The following TECPR1 variants were observed in gnomAD, a reference collection of about 807,000 sequenced individuals.
TECPR1 encodes the protein tectonin beta-propeller repeat containing 1.
TECPR1 carries 122 observed loss-of-function variants against 162.4 expected under a neutral mutation model. The observed-to-expected ratio is 0.75, with a 90% confidence interval of 0.65 to 0.87. TECPR1 has a LOEUF of 0.87. TECPR1 is among the 40% of genes least tolerant of loss of function. TECPR1 has a pLI of 0.00. For synonymous variants in TECPR1, 642 were observed against 670.6 expected (o/e 0.96, Z 0.66); for missense variants, 1,432 against 1,618.2 (o/e 0.88, Z 1.97).
chr7:98,235,868 T>G (rs1798589479), intron 10 of TECPR1, among the ~76,000 whole-genome samples: 1 of 104,862 alleles, frequency 9.5e-6, no homozygotes, highest in African/African-American at 3.1e-5. Context: ...CTGAGCAGAC[T>G]AAACCCTCAG....
chr7:98,242,816 C>T (rs1798791578), intron 6 of TECPR1, among the ~76,000 whole-genome samples: 1 of 149,632 alleles, frequency 6.7e-6, no homozygotes, highest in Non-Finnish European at 1.5e-5. Flanking sequence ...TCCATCCGCA[C>T]ACCCACCCAT....
intron 23 of TECPR1, among the ~76,000 whole-genome samples, chr7:98,218,388 A>G (rs1798069809): frequency 6.6e-6 from 1 of 152,214 alleles, no homozygotes; most frequent in African/African-American, 2.4e-5. Flanking sequence ...AGGCAAGAGA[A>G]AGAAAGAAAG....
At chr7:98,227,821 CAAAAAAAAAAAA>C (rs61468739) in intron 17 of TECPR1, among the ~76,000 whole-genome samples, 181 bp downstream of exon 17, 2 of 102,604 alleles carry the variant, frequency 1.9e-5, no homozygotes, top group African/African-American at 7.7e-5. Flanking sequence ...GACCCTGTAT[CAAAAAAAAAAAA>C]AAAAAAAAAA....
Position 98,223,147 on chromosome 7 carries a change from C to G in TECPR1, c.2771G>C (p.Gly924Ala), listed in dbSNP as rs779867640. The part of the protein sequence containing the change: ...WARKCKLVTS[G>A]PWLEVPPIAL... Reference sequence around the variant, plus strand: ...GATGGGGGGCACCTCCAGCCAGGGCCCACTGGTCACCAGCTTGCATTTTCT... The same window carrying G: ...GATGGGGGGCACCTCCAGCCAGGGCGCACTGGTCACCAGCTTGCATTTTCT... Residue 924 changes from glycine (G) to alanine (A), a missense_variant, in exon 21 of 26, where the codon GGG becomes GCG. Transcript: ENST00000447648. 1.2e-6 allele frequency: 2 copies of G among 1,602,924 alleles called. No homozygotes were observed. Among genetic ancestry groups the G allele is most frequent in the South Asian group, 2.2e-5 (2 of 89,162 alleles).
intron 23 of TECPR1, among the ~76,000 whole-genome samples, chr7:98,219,502 T>A (rs957067075): frequency 2.0e-5 from 3 of 152,194 alleles, no homozygotes; most frequent in African/African-American, 7.2e-5. Context: ...AAAGGACTCA[T>A]AACCAGAATC....
At chr7:98,250,417 G>A (rs1365147967) in intron 2 of TECPR1, among the ~76,000 whole-genome samples, 2 of 151,838 alleles carry the variant, frequency 1.3e-5, no homozygotes, top group Non-Finnish European at 2.9e-5. Flanking sequence ...CGCTTGAGCC[G>A]AGGAGTTCAA....
In TECPR1 at chr7:98,231,934, A is replaced by C; in HGVS notation, c.1844T>G (p.Leu615Arg). Reference sequence around the variant, plus strand: ...GGGCTTCCAGTCGCACCACCACTGCAGCGCCCCGGTCTTCACCCACACCGA... The same window carrying C: ...GGGCTTCCAGTCGCACCACCACTGCCGCGCCCCGGTCTTCACCCACACCGA... ...EQSVWVKTGA[L>R]QWWCDWKPHK... Residue 615 changes from leucine to arginine, a missense_variant, in exon 13 of 26, where the codon CTG becomes CGG. Leu to Arg is a moderately radical substitution (Grantham distance 102). Coordinates refer to ENST00000447648, the MANE Select transcript of TECPR1 (RefSeq NM_015395.3). The C allele has an allele frequency of 6.2e-7, 1 of 1,607,282 alleles. No homozygotes were observed. The highest frequency in any genetic ancestry group is 8.5e-7 in the Non-Finnish European group (1 of 1,179,658).
At position 98,241,959 on chromosome 7, in the gene TECPR1, G is replaced by A. The variant is rs1050078398; in HGVS notation, c.658-715C>T. 4.6e-5 allele frequency among the ~76,000 whole-genome samples: 7 copies of A among 152,184 alleles called. No individual in the cohort carries two copies. The highest frequency in any genetic ancestry group is 2.1e-4 in the South Asian group (1 of 4,836). On this transcript the variant is annotated intron_variant, in intron 6 of 25. Transcript: ENST00000447648. The surrounding 1 kb of genome is among the most constrained non-coding windows in gnomAD (Gnocchi z 5.0). Reference sequence around the variant, plus strand: ...TGTGGTGCAGGCAGCACCAGCTCACGGCCGACATTCCAGGACACAAACGCT... The same window carrying A: ...TGTGGTGCAGGCAGCACCAGCTCACAGCCGACATTCCAGGACACAAACGCT...
In TECPR1 at chr7:98,232,824, C is replaced by G. The variant is rs1798480207; in HGVS notation, c.1818+3G>C. ...ATGCATGCGCAGCCACCGGGGCACC[C>G]ACCTGCTCCACGGCCTGCTCGTAGT... On this transcript the variant is annotated splice_donor_region_variant and intron_variant, in intron 12 of 25. Transcript: ENST00000447648. This position sits in a 1 kb window ranked among gnomAD's most constrained non-coding sequence, Gnocchi z 4.6. The G allele has an allele frequency of 6.3e-7, 1 of 1,583,454 alleles. No individual in the cohort carries two copies. Among genetic ancestry groups the G allele is most frequent in the Non-Finnish European group, 8.6e-7 (1 of 1,167,010 alleles).
intron 10 of TECPR1, among the ~76,000 whole-genome samples, chr7:98,235,012 C>G (rs996344968): frequency 6.6e-6 from 1 of 152,198 alleles, no homozygotes. Context: ...CCGCACCCAG[C>G]CTTGCCTTTC....
rs535962312 is a variant in TECPR1, at chr7:98,244,951, C to T, written c.342G>A (p.Pro114=). 81 of 1,612,982 alleles carry T rather than the reference C, an allele frequency of 5.0e-5. No individual in the cohort carries two copies. The highest frequency in any genetic ancestry group is 5.7e-5 in the Non-Finnish European group (67 of 1,179,870). Residue 114 remains proline (P), a synonymous_variant, in exon 4 of 26, where the codon CCG becomes CCA. Transcript: ENST00000447648. Reference sequence around the variant, plus strand: ...ACCAGTCAGACTCCCACTCCCAGTGCGGCGAGGGCAGTGCCACCCTGTCCA... The same window carrying T: ...ACCAGTCAGACTCCCACTCCCAGTGTGGCGAGGGCAGTGCCACCCTGTCCA... ...RPLDRVALPS[P]HWEWESDWYV...
Position 98,238,078 on chromosome 7 carries a change from G to GT in TECPR1, c.1035+430dup, listed in dbSNP as rs796344394. Among the ~76,000 whole-genome samples the GT allele has an allele frequency of 5.9e-3, 882 of 149,810 alleles. 14 individuals carry two copies. Among genetic ancestry groups the GT allele is most frequent in the African/African-American group, 0.02 (823 of 40,902 alleles). On this transcript the variant is annotated intron_variant, in intron 9 of 25. Coordinates refer to ENST00000447648, the MANE Select transcript of TECPR1 (RefSeq NM_015395.3). The stretch of plus-strand genomic sequence containing the variant: ...GTGAGCCACCACACCTGGCCGTGGT[G>GT]TTTTTTTTTTAAGATGTAAAGTAAC...
chr7:98,228,232 C>G (rs1022197099), intron 16 of TECPR1, 116 bp from the exon 17 acceptor site: 7 of 809,162 alleles, frequency 8.7e-6, no homozygotes, highest in Admixed American at 2.0e-5. Context: ...GGAGCCAGGT[C>G]AGCGGAGAGG....
At chr7:98,236,646 C>T in intron 10 of TECPR1, 130 bp downstream of exon 10, 1 of 1,234,120 alleles carries the variant, frequency 8.1e-7, no homozygotes, top group Non-Finnish European at 1.1e-6. Context: ...GAGTGGAGAC[C>T]CATTTTCTCC....
At chr7:98,249,398 T>C (rs11771397) in intron 2 of TECPR1, among the ~76,000 whole-genome samples, 68,083 of 151,750 alleles carry the variant, frequency 0.45, 15,752 homozygotes, top group East Asian at 0.69. Context: ...ACCCCCTCCA[T>C]CCCAGGACAC....
At position 98,217,803 on chromosome 7, in the gene TECPR1, C is replaced by A. The variant is rs1006621004; in HGVS notation, c.3273G>T (p.Val1091=). Reference sequence around the variant, plus strand: ...GGCTGCCCTGCACTTTGTTGGCGATCACCCAGACCTGGAGCACAGACCCCA... The same window carrying A: ...GGCTGCCCTGCACTTTGTTGGCGATAACCCAGACCTGGAGCACAGACCCCA... ...VSVGPLDQVW[V]IANKVQGSHS... The change falls in exon 25 of 26, where the codon GTG becomes GTT. Residue 1091 remains valine, a synonymous_variant. Coordinates refer to ENST00000447648, the MANE Select transcript of TECPR1 (RefSeq NM_015395.3). The A allele has an allele frequency of 2.6e-6, 4 of 1,550,520 alleles. No individual in the cohort carries two copies. The African/African-American group carries it at 5.5e-5, about 21-fold the overall frequency.
In TECPR1 at chr7:98,243,548, G is replaced by A. The variant is rs763791700; in HGVS notation, c.576C>T (p.Asn192=). ...DDPKELPDPF[N]DLSVGGWEIT... ...TCTCCCAGCCCCCTACAGAGAGGTC[G>A]TTGAAGGGGTCGGGCAGCTCCTTGG... is the stretch of plus-strand genomic sequence containing the variant. Residue 192 remains asparagine, a synonymous_variant, in exon 6 of 26, where the codon AAC becomes AAT. Coordinates refer to ENST00000447648, the MANE Select transcript of TECPR1 (RefSeq NM_015395.3). 6.4e-5 allele frequency: 103 copies of A among 1,612,596 alleles called. No homozygotes were observed. Among genetic ancestry groups the A allele is most frequent in the East Asian group, 2.7e-4 (12 of 44,872 alleles).
intron 9 of TECPR1, among the ~76,000 whole-genome samples, chr7:98,238,123 C>T (rs994044485): frequency 2.6e-5 from 4 of 152,130 alleles, no homozygotes; most frequent in African/African-American, 9.7e-5. Flanking sequence ...TCTGACCTCA[C>T]TTTCCATGGA....
At position 98,243,662 on chromosome 7, in the gene TECPR1, G is replaced by A. The variant is rs998799634; in HGVS notation, c.532-70C>T. The A allele has an allele frequency of 7.8e-6, 12 of 1,529,178 alleles. No homozygotes were observed. In the East Asian group the frequency reaches 1.8e-4, roughly 23 times the overall value. The allele number at this position is 1,529,178 out of a possible 1,614,324, so 94.7% of individuals were successfully genotyped here. A position where few individuals can be genotyped will look rare whatever the true frequency, so the allele number is the denominator to read the frequency against. On this transcript the variant is annotated intron_variant, in intron 5 of 25. Coordinates refer to ENST00000447648, the MANE Select transcript of TECPR1 (RefSeq NM_015395.3). ...GCACCTGGGCATGCACCCACCTCCC[G>A]CCCGCCTGCCATCCGGACTTCCATT...
Sources: allele counts gnomAD v4.1 joint callset (sites outside exome capture counted in the v4.1 genomes callset), GRCh38; gene constraint gnomAD v4.1.1; non-coding constraint Gnocchi (gnomAD v3.1); transcripts MANE v1.5; gene names NCBI Gene and HGNC (gene_info 2026-07-23, HGNC 2026-07-21).